Variants in BRINP1 observed in about 807,000 individuals in gnomAD.
BRINP1 encodes the protein BMP/retinoic acid-inducible neural-specific protein 1.
A neutral mutation model predicts 72.9 loss-of-function variants in BRINP1; 17 were observed. That is an observed-to-expected ratio of 0.23 (90% confidence interval 0.16 to 0.35). The LOEUF is 0.35. BRINP1 is among the 10% of genes least tolerant of loss of function. The pLI is 1.00. For missense variants in BRINP1, 850 were observed against 1,001.6 expected (o/e 0.85, Z 2.04); for synonymous variants, 418 against 378.5 (o/e 1.10, Z -1.21).
chr9:119,325,951 T>C (rs1415986139), intron 1 of BRINP1, among the ~76,000 whole-genome samples: 6 of 152,172 alleles, frequency 3.9e-5, no homozygotes, highest in African/African-American at 1.4e-4. Flanking sequence ...TCCCTCTCCT[T>C]GCAATGCCCA....
chr9:119,329,603 A>C (rs1388310660), intron 1 of BRINP1, among the ~76,000 whole-genome samples: 1 of 152,182 alleles, frequency 6.6e-6, no homozygotes, highest in Non-Finnish European at 1.5e-5. Context: ...GTAAAACTTC[A>C]TGCTGCCAAG....
rs1450915052 is a variant in BRINP1, at chr9:119,213,949, C to T, written c.892G>A (p.Ala298Thr). 1.2e-6 allele frequency: 2 copies of T among 1,614,166 alleles called. No individual in the cohort carries two copies. The highest frequency in any genetic ancestry group is 1.1e-5 in the South Asian group (1 of 91,088). The change falls in exon 6 of 8, where the codon GCC becomes ACC. Residue 298 changes from alanine to threonine, a missense_variant. Transcript: ENST00000265922. ...YTLANMAKSW[A>T]EAYKDLENSD... ...TTCTCCAGGTCCTTATAAGCTTCGG[C>T]CCAAGACTTGGCCATGTTGGCCAGC...
chr9:119,188,424 CAAAG>C (rs1420324097), intron 7 of BRINP1, among the ~76,000 whole-genome samples: 1 of 152,048 alleles, frequency 6.6e-6, no homozygotes, highest in Non-Finnish European at 1.5e-5. Flanking sequence ...CTTTCCCAGA[CAAAG>C]AAAAGCTGAG....
chr9:119,168,756 T>C (rs1829354080), intron 7 of BRINP1, among the ~76,000 whole-genome samples: 1 of 134,182 alleles, frequency 7.5e-6, no homozygotes, highest in South Asian at 2.5e-4. Context: ...AGAAATCATG[T>C]AGTGATTTCT....
At chr9:119,190,465 G>C (rs935397005) in intron 7 of BRINP1, among the ~76,000 whole-genome samples, 2 of 150,702 alleles carry the variant, frequency 1.3e-5, no homozygotes, top group South Asian at 2.1e-4. Context: ...AATGAAAGTG[G>C]AGACACTACA....
chr9:119,245,714 C>A (rs928282243), intron 3 of BRINP1, among the ~76,000 whole-genome samples: 4 of 152,172 alleles, frequency 2.6e-5, no homozygotes, highest in Non-Finnish European at 4.4e-5. Flanking sequence ...TTATTTGTCT[C>A]ATAGGTGACA....
At chr9:119,247,416 G>C (rs916664569) in intron 3 of BRINP1, among the ~76,000 whole-genome samples, 4 of 152,054 alleles carry the variant, frequency 2.6e-5, no homozygotes, top group African/African-American at 9.7e-5. Context: ...ACTCTGGGAG[G>C]CCAAGACGGG....
At chr9:119,198,332 T>G (rs1319167424) in intron 7 of BRINP1, among the ~76,000 whole-genome samples, 3 of 152,222 alleles carry the variant, frequency 2.0e-5, no homozygotes, top group Admixed American at 1.3e-4. Context: ...GTGTTAACCC[T>G]GGCATCTGTG....
intron 6 of BRINP1, among the ~76,000 whole-genome samples, chr9:119,209,810 T>C (rs1031545793): frequency 2.0e-5 from 3 of 152,232 alleles, no homozygotes; most frequent in Non-Finnish European, 4.4e-5. Flanking sequence ...CTGAAACTTT[T>C]TGATGTAATC....
chr9:119,284,085 G>A (rs1265277448), intron 2 of BRINP1, among the ~76,000 whole-genome samples: 3 of 152,076 alleles, frequency 2.0e-5, no homozygotes, highest in African/African-American at 7.2e-5. Flanking sequence ...AACTTTGAAG[G>A]GGCCTGCCAC....
At chr9:119,319,814 G>A (rs1416616789) in intron 1 of BRINP1, among the ~76,000 whole-genome samples, 1 of 152,124 alleles carries the variant, frequency 6.6e-6, no homozygotes, top group Non-Finnish European at 1.5e-5. Flanking sequence ...ATTCTAACCT[G>A]TGAATATCCC....
chr9:119,291,867 TTCTC>T (rs1290729678), intron 2 of BRINP1, among the ~76,000 whole-genome samples: 14 of 152,222 alleles, frequency 9.2e-5, no homozygotes, highest in African/African-American at 3.1e-4. Flanking sequence ...AGCCATGACC[TTCTC>T]TCTAACATCC....
intron 1 of BRINP1, among the ~76,000 whole-genome samples, chr9:119,346,187 T>C (rs1475922022): frequency 2.0e-5 from 3 of 152,184 alleles, no homozygotes; most frequent in Admixed American, 2.0e-4. Flanking sequence ...ACATACATAT[T>C]TAATGATGAC....
chr9:119,278,521 C>A (rs182019167), intron 2 of BRINP1, among the ~76,000 whole-genome samples: 2 of 152,292 alleles, frequency 1.3e-5, no homozygotes, highest in Admixed American at 6.5e-5. Context: ...GATAAAGGGG[C>A]CTTAGGAACT....
chr9:119,266,653 C>A (rs1830550742), intron 2 of BRINP1, among the ~76,000 whole-genome samples: 1 of 152,198 alleles, frequency 6.6e-6, no homozygotes, highest in African/African-American at 2.4e-5. Context: ...ACCATCATCT[C>A]ATTTCTCCTA....
At chr9:119,249,227 C>G in intron 2 of BRINP1, 77 bp from the exon 3 acceptor site, 3 of 1,397,704 alleles carry the variant, frequency 2.1e-6, no homozygotes, top group Non-Finnish European at 2.9e-6. Flanking sequence ...ACCATCCATC[C>G]AGGCATCTCT....
In BRINP1 at chr9:119,318,845, GTGT is replaced by G. The variant is rs1332008883; in HGVS notation, c.-50-5443_-50-5441del. Among the ~76,000 whole-genome samples the G allele has an allele frequency of 5.4e-3, 204 of 37,942 alleles. 2 individuals are homozygous for G. Among genetic ancestry groups the G allele is most frequent in the African/African-American group, 0.015 (194 of 13,062 alleles). The allele number at this position is 37,942 out of a possible 152,430, so 24.9% of individuals were successfully genotyped here. A position where few individuals can be genotyped will look rare whatever the true frequency, so the allele number is the denominator to read the frequency against. On this transcript the variant is annotated intron_variant, in intron 1 of 7. Transcript: ENST00000265922. The stretch of plus-strand genomic sequence containing the variant: ...CATACATGGAAGAGAAATGTGTGGG[GTGT>G]GTGTGTGTGTGTGTGTGTGTGTGTG...
chr9:119,304,160 A>T (rs1275432337), intron 2 of BRINP1, among the ~76,000 whole-genome samples: 2 of 152,154 alleles, frequency 1.3e-5, no homozygotes, highest in African/African-American at 4.8e-5. Flanking sequence ...GATTACAGAT[A>T]TGAGCCACTG....
At position 119,369,298 on chromosome 9, in the gene BRINP1, G is replaced by T. The variant is rs1233940675; in HGVS notation, c.-293C>A. On this transcript the variant is annotated 5_prime_UTR_variant, in exon 1 of 8. Coordinates refer to ENST00000265922, the MANE Select transcript of BRINP1 (RefSeq NM_014618.3). ...GCGGTCACTACTCCCTCTGCCTCCC[G>T]GCTCTCTCGCTCTCGCTCTCGCTGT... is the stretch of plus-strand genomic sequence containing the variant. The T allele has an allele frequency of 1.0e-5, 4 of 398,796 alleles. No individual in the cohort carries two copies. The highest frequency in any genetic ancestry group is 3.6e-5 in the East Asian group (1 of 28,076). 24.7% of individuals were successfully genotyped at this position (398,796 alleles called of 1,614,324 possible). A position where few individuals can be genotyped will look rare whatever the true frequency, so the allele number is the denominator to read the frequency against.
Sources: gnomAD v4.1 joint callset for allele counts (sites outside exome capture counted in the v4.1 genomes callset) on GRCh38, gnomAD v4.1.1 for gene constraint, MANE v1.5 for transcripts, NCBI Gene and HGNC (gene_info 2026-07-23, HGNC 2026-07-21) for gene names.